Variants in CEP162 observed in about 807,000 individuals in gnomAD.
The protein encoded by CEP162 is centrosomal protein 162, also known as centrosomal protein of 162 kDa.
In CEP162, 141 loss-of-function variants were observed where a neutral mutation model predicts 169.2. The ratio of observed to expected loss-of-function variants is 0.83; its 90% confidence interval spans 0.73 to 0.96. The LOEUF is 0.96. Ranked by LOEUF, CEP162 falls within the 40% of genes least tolerant of loss-of-function variation. CEP162 has a pLI of 0.00. For synonymous variants in CEP162, 540 were observed against 526.4 expected (o/e 1.03, Z -0.35); for missense variants, 1,600 against 1,587.2 (o/e 1.01, Z -0.14).
intron 2 of CEP162, among the ~76,000 whole-genome samples, chr6:84,225,967 A>G (rs11966612): frequency 0.014 from 2,115 of 152,262 alleles, 45 homozygotes; most frequent in African/African-American, 0.049. Context: ...AGTGGGTGAA[A>G]GAGGGATATG....
chr6:84,149,759 CAG>C, intron 23 of CEP162, 56 bp from the exon 24 acceptor site: 2 of 1,386,906 alleles, frequency 1.4e-6, no homozygotes, highest in Non-Finnish European at 1.9e-6. Flanking sequence ...ACCTCTAATT[CAG>C]AGTTAGCACA....
chr6:84,198,434 C>T (rs1406656955), intron 9 of CEP162, among the ~76,000 whole-genome samples: 1 of 152,088 alleles, frequency 6.6e-6, no homozygotes, highest in Non-Finnish European at 1.5e-5. Flanking sequence ...TGTGCCACCA[C>T]ACCTGGCTAA....
intron 6 of CEP162, among the ~76,000 whole-genome samples, chr6:84,205,552 T>C (rs2099546558): frequency 1.3e-5 from 2 of 152,154 alleles, no homozygotes; most frequent in South Asian, 4.1e-4. Flanking sequence ...ATAAACTAGG[T>C]ATTCATGGGA....
chr6:84,148,025 T>C (rs56302204), intron 24 of CEP162, among the ~76,000 whole-genome samples: 3,301 of 152,236 alleles, frequency 0.022, 121 homozygotes, highest in African/African-American at 0.075. Context: ...GGCATCATGA[T>C]ACTACTTTTC....
Position 84,149,350 on chromosome 6 carries a change from AAAATT to A in CEP162, c.3771+207_3771+211del, listed in dbSNP as rs563570169. On this transcript the variant is annotated intron_variant, in intron 24 of 26. Coordinates refer to ENST00000403245, the MANE Select transcript of CEP162 (RefSeq NM_014895.4). Reference sequence around the variant, plus strand: ...TTATATGGTGTAGTTTTAAAGTAGAAAAATTAAATATATAGTATTATCTTCTTTAA... The same window carrying A: ...TTATATGGTGTAGTTTTAAAGTAGAAAAATATATAGTATTATCTTCTTTAA... Among the ~76,000 whole-genome samples, 553 of 152,170 alleles carry A rather than the reference AAAATT, an allele frequency of 3.6e-3. 1 individual carries two copies. The highest frequency in any genetic ancestry group is 0.012 in the African/African-American group (503 of 41,568).
intron 25 of CEP162, among the ~76,000 whole-genome samples, chr6:84,138,727 GT>G (rs1458222817): frequency 3.9e-5 from 6 of 152,092 alleles, no homozygotes; most frequent in Non-Finnish European, 8.8e-5. Flanking sequence ...CAACAATTAA[GT>G]TAACTAAAAC....
At chr6:84,179,388 G>A (rs2099533778) in intron 13 of CEP162, among the ~76,000 whole-genome samples, 1 of 152,114 alleles carries the variant, frequency 6.6e-6, no homozygotes, top group Non-Finnish European at 1.5e-5. Context: ...CTGTGGTTTT[G>A]ATTTGCATTT....
At chr6:84,227,434 G>C (rs1421986134) in intron 1 of CEP162, 146 bp downstream of exon 1, 1 of 152,306 alleles carries the variant, frequency 6.6e-6, no homozygotes, top group Non-Finnish European at 1.5e-5. Flanking sequence ...TCGGGAATTG[G>C]AGGGAAGACA....
At chr6:84,153,996 G>A (rs1420427138) in intron 22 of CEP162, among the ~76,000 whole-genome samples, 1 of 152,152 alleles carries the variant, frequency 6.6e-6, no homozygotes, top group African/African-American at 2.4e-5. Flanking sequence ...TCGGTCTTGA[G>A]AGATGACTGT....
chr6:84,226,411 T>C lies in CEP162; in HGVS notation c.-18A>G. On this transcript the variant is annotated 5_prime_UTR_variant, in exon 2 of 27. Transcript: ENST00000403245. ...TTAGCCATAGTCAACAATTTTGACC[T>C]CCCAAAGTAAACATTCTAAAGTACC... 2 of 1,552,026 alleles carry C rather than the reference T, an allele frequency of 1.3e-6. No homozygotes were observed. Among genetic ancestry groups the C allele is most frequent in the Non-Finnish European group, 1.8e-6 (2 of 1,141,332 alleles).
chr6:84,169,457 G>C, intron 17 of CEP162, 24 bp from the exon 18 acceptor site: 4 of 1,438,916 alleles, frequency 2.8e-6, no homozygotes, highest in Non-Finnish European at 3.8e-6. Flanking sequence ...AAAATAAAAA[G>C]TTGTTTTTCT....
At chr6:84,202,518 C>CTTTTTTTTTTTTTTTTTTTT (rs70987776) in intron 7 of CEP162, among the ~76,000 whole-genome samples, 1 of 90,774 alleles carries the variant, frequency 1.1e-5, no homozygotes, top group Non-Finnish European at 2.0e-5. Context: ...TTCTTTCTTT[C>CTTTTTTTTTTTTTTTTTTTT]TTTTTTTTTT....
At chr6:84,219,156 C>A in intron 3 of CEP162, 1 of 1,292,376 alleles carries the variant, frequency 7.7e-7, no homozygotes. Context: ...TTGAATTCTC[C>A]CTCAGAAGGT....
intron 16 of CEP162, 29 bp from the exon 17 acceptor site, chr6:84,171,747 G>C (rs1342999414): frequency 2.0e-6 from 2 of 1,020,636 alleles, no homozygotes; most frequent in East Asian, 2.8e-5. Context: ...CTGCATTTTA[G>C]TTAAAAGTCA....
chr6:84,149,534 CA>C (rs758142351), intron 24 of CEP162, 27 bp downstream of exon 24: 7 of 1,532,606 alleles, frequency 4.6e-6, no homozygotes, highest in Middle Eastern at 1.7e-4. Flanking sequence ...TTATTCAAGT[CA>C]AAAGATAAAA....
intron 2 of CEP162, 143 bp downstream of exon 2, chr6:84,226,194 G>A: frequency 1.6e-6 from 1 of 614,902 alleles, no homozygotes; most frequent in South Asian, 1.9e-5. Context: ...TGAACTAGCA[G>A]TGGCAGAAAA....
chr6:84,227,019 CTTAAAG>C (rs1341730082), intron 1 of CEP162, among the ~76,000 whole-genome samples: 6 of 152,296 alleles, frequency 3.9e-5, no homozygotes, highest in African/African-American at 1.4e-4. Context: ...TTAAAGAATA[CTTAAAG>C]TTAATGGAGT....
At chr6:84,142,181 G>A (rs1284918132) in intron 25 of CEP162, among the ~76,000 whole-genome samples, 1 of 152,094 alleles carries the variant, frequency 6.6e-6, no homozygotes, top group African/African-American at 2.4e-5. Context: ...TATCTGCAAA[G>A]GGCAAATGAA....
Position 84,169,369 on chromosome 6 carries a change from G to A in CEP162, c.2344C>T (p.Gln782Ter). The A allele has an allele frequency of 6.3e-7, 1 of 1,583,726 alleles. No homozygotes were observed. The highest frequency in any genetic ancestry group is 8.6e-7 in the Non-Finnish European group (1 of 1,163,918). The change falls in exon 18 of 27, where the codon CAG becomes TAG. Residue 782 changes from glutamine (Q) to a stop codon, truncating the protein, a stop_gained. Transcript: ENST00000403245. LOFTEE classifies it high-confidence loss of function. ...VVEDSEPTRN[Q>*]NFTDLLAELR... ...TCTGCTAACAGATCTGTAAAATTCT[G>A]ATTTCTTGTGGGCTCTGAATCTTCA...
Sources: allele counts gnomAD v4.1 joint callset (sites outside exome capture counted in the v4.1 genomes callset), GRCh38; gene constraint gnomAD v4.1.1; transcripts MANE v1.5; gene names NCBI Gene and HGNC (gene_info 2026-07-23, HGNC 2026-07-21).